PIGO: variants seen among roughly 807,000 people sequenced by gnomAD.
The protein encoded by PIGO is phosphatidylinositol glycan anchor biosynthesis class O.
A neutral mutation model predicts 86.9 loss-of-function variants in PIGO; 66 were observed. The ratio of observed to expected loss-of-function variants is 0.76; its 90% CI spans 0.62 to 0.93. The LOEUF (loss-of-function observed/expected upper bound fraction) is 0.93, where lower values mean the gene tolerates loss of function less well. Ranked by LOEUF, PIGO falls within the 40% of genes least tolerant of loss-of-function variation. PIGO has a pLI of 0.00. For missense variants in PIGO, 1,202 were observed against 1,359.1 expected, an observed-to-expected ratio of 0.88 and a Z score of 1.82; for synonymous variants, 570 against 556.4, an observed-to-expected ratio of 1.02 and a Z score of -0.34.
intron 1 of PIGO, 139 bp from the exon 2 acceptor site, chr9:35,095,705 C>G (rs1312900211): frequency 4.6e-6 from 5 of 1,094,172 alleles, no homozygotes; most frequent in Non-Finnish European, 6.3e-6. Flanking sequence ...GCCAACCCCT[C>G]GCAATATTAC....
At position 35,091,751 on chromosome 9, in the gene PIGO, T is replaced by C; in HGVS notation, c.2136A>G (p.Ala712=). The change falls in exon 7 of 11, where the codon GCA becomes GCG. Residue 712 remains alanine, a synonymous_variant. Coordinates refer to ENST00000378617, the MANE Select transcript of PIGO (RefSeq NM_032634.4). ...LFVRWGLPLM[A]LGTAAYWALA... ...ATGCCCAGTAGGCAGCAGTACCCAA[T>C]GCCATTAGGGGCAGTCCCCAGCGCA... 6.2e-7 allele frequency: 1 copy of C among 1,611,954 alleles called. No homozygotes were observed. The highest frequency in any genetic ancestry group is 8.5e-7 in the Non-Finnish European group (1 of 1,180,014).
chr9:35,093,525 C>T lies in PIGO; in HGVS notation c.835G>A (p.Gly279Arg), dbSNP rs1829532392. Residue 279 changes from glycine (G) to arginine (R), a missense_variant, in exon 5 of 11, where the codon GGG becomes AGG. Transcript: ENST00000378617. ...DTLLVVAGDHGMTTNGDHGGD... is the reference protein window; with the variant it reads ...DTLLVVAGDHRMTTNGDHGGD... ...CCATGGTCTCCATTTGTGGTCATCC[C>T]ATGGTCCCCAGCCACTACCAGCAGT... 8 of 1,614,050 alleles carry T rather than the reference C, an allele frequency of 5.0e-6. No individual in the cohort carries two copies. Among genetic ancestry groups the T allele is most frequent in the Non-Finnish European group, 6.8e-6 (8 of 1,179,986 alleles).
chr9:35,090,236 G>A lies in PIGO; in HGVS notation c.2899C>T (p.Gln967Ter), dbSNP rs1829353287. 1 of 1,614,168 alleles carries A rather than the reference G, an allele frequency of 6.2e-7. No individual in the cohort carries two copies. Among genetic ancestry groups the A allele is most frequent in the South Asian group, 1.1e-5 (1 of 91,074 alleles). Reference sequence around the variant, plus strand: ...GGCTGCTGTCTCTTCCGCAGCCCTTGACTCTCACACAGGAAAGGCCAGAGC... The same window carrying A: ...GGCTGCTGTCTCTTCCGCAGCCCTTAACTCTCACACAGGAAAGGCCAGAGC... ...LLLWPFLCES[Q>*]GLRKRQQPPG... Residue 967 changes from glutamine (Q) to a stop codon, truncating the protein, a stop_gained, in exon 9 of 11, where the codon CAA becomes TAA. Transcript: ENST00000378617. LOFTEE classifies it high-confidence loss of function.
In PIGO at chr9:35,089,109, G is replaced by A; in HGVS notation, c.3253C>T (p.Leu1085=). ...AVSSWFRQLF[L]AQQR ...AGACTAGGCTACCTCTGCTGGGCCA[G>A]AAATAGCTGCCTGAACCAGGAGCTC... Residue 1085 remains leucine, a synonymous_variant, in exon 11 of 11, where the codon CTG becomes TTG. Transcript: ENST00000378617. 6.2e-7 allele frequency: 1 copy of A among 1,614,160 alleles called. No individual in the cohort carries two copies. The highest frequency in any genetic ancestry group is 8.5e-7 in the Non-Finnish European group (1 of 1,180,030).
In PIGO at chr9:35,092,621, C is replaced by T. The variant is rs758742085; in HGVS notation, c.1266G>A (p.Pro422=). ...ACTGCTGCAGCTCAGCAATCACAGTCGGCAGTGTCGCCTCAGCCCCCTTGG... is the reference window on the plus strand; with the variant it reads ...ACTGCTGCAGCTCAGCAATCACAGTTGGCAGTGTCGCCTCAGCCCCCTTGG... The part of the protein sequence containing the change: ...QSPKGAEATL[P]TVIAELQQFL... The change falls in exon 7 of 11, where the codon CCG becomes CCA. Residue 422 remains proline (P), a synonymous_variant. Transcript: ENST00000378617. 5.6e-6 allele frequency: 9 copies of T among 1,614,122 alleles called. No individual in the cohort carries two copies. The highest frequency in any genetic ancestry group is 2.7e-5 in the African/African-American group (2 of 74,946).
Position 35,091,545 on chromosome 9 carries a change from G to C in PIGO, c.2342C>G (p.Thr781Ser). The change falls in exon 7 of 11, where the codon ACT becomes AGT. Residue 781 changes from threonine to serine, a missense_variant. Physicochemically the swap from Thr to Ser is moderately conservative, Grantham distance 58. Coordinates refer to ENST00000378617, the MANE Select transcript of PIGO (RefSeq NM_032634.4). ...AGAPRTRTVL[T>S]PFSGPPTSQA... ...AGAAGTGGGGGGGCCTGAGAAGGGA[G>C]TGAGGACAGTCCTGGTCCTTGGAGC... The C allele has an allele frequency of 6.2e-7, 1 of 1,614,148 alleles. No homozygotes were observed. The highest frequency in any genetic ancestry group is 8.5e-7 in the Non-Finnish European group (1 of 1,180,034).
rs1829625557 is a variant in PIGO at position 35,095,398 on chromosome 9, C to A, written c.168G>T (p.Gly56=). 1.2e-6 allele frequency: 2 copies of A among 1,614,158 alleles called. No individual in the cohort carries two copies. Among genetic ancestry groups the A allele is most frequent in the Non-Finnish European group, 1.7e-6 (2 of 1,180,024 alleles). ...GPGSLPWGSQ[G]KPGACWMASR... ...AAGCCATCCAGCAGGCCCCAGGTTTCCCTTGGCTCCCCCATGGCAGGGACC... is the reference window on the plus strand; with the variant it reads ...AAGCCATCCAGCAGGCCCCAGGTTTACCTTGGCTCCCCCATGGCAGGGACC... Residue 56 remains glycine (G), a synonymous_variant, in exon 2 of 11, where the codon GGG becomes GGT. Coordinates refer to ENST00000378617, the MANE Select transcript of PIGO (RefSeq NM_032634.4).
At position 35,088,964 on chromosome 9, in the gene PIGO, G is replaced by A. The variant is rs957499876; in HGVS notation, c.*128C>T. 1.0e-5 allele frequency: 13 copies of A among 1,282,602 alleles called. No homozygotes were observed. Among genetic ancestry groups the A allele is most frequent in the Admixed American group, 6.5e-5 (3 of 45,868 alleles). 79.5% of individuals were successfully genotyped at this position (1,282,602 alleles called of 1,614,324 possible). A position where few individuals can be genotyped will look rare whatever the true frequency, so the allele number is the denominator to read the frequency against. ...GAATAATGAAGTCCTAGATGTCAGCGGCCCCTGGCTGCATGATAGTAAGAG... is the reference window on the plus strand; with the variant it reads ...GAATAATGAAGTCCTAGATGTCAGCAGCCCCTGGCTGCATGATAGTAAGAG... On this transcript the variant is annotated 3_prime_UTR_variant, in exon 11 of 11. Transcript: ENST00000378617.
chr9:35,089,345 C>T (rs1425129077), intron 10 of PIGO, 35 bp downstream of exon 10: 3 of 1,614,150 alleles, frequency 1.9e-6, no homozygotes, highest in Middle Eastern at 1.6e-4. Context: ...TTTCTCCCTC[C>T]CCACCACCTC....
In PIGO at chr9:35,092,391, C is replaced by A. The variant is rs749718234; in HGVS notation, c.1496G>T (p.Gly499Val). The A allele has an allele frequency of 1.9e-6, 3 of 1,614,238 alleles. No homozygotes were observed. Among genetic ancestry groups the A allele is most frequent in the Non-Finnish European group, 2.5e-6 (3 of 1,180,038 alleles). The change falls in exon 7 of 11, where the codon GGA (glycine) becomes GTA (valine). Residue 499 changes from glycine to valine, a missense_variant. By Grantham distance (109) the Gly-to-Val change is moderately radical. Coordinates refer to ENST00000378617, the MANE Select transcript of PIGO (RefSeq NM_032634.4). ...WGLVGAIAYA[G>V]LLGTIELKLD... ...CTTCAGCTCAATAGTTCCCAGGAGT[C>A]CAGCATACGCTATGGCCCCAACCAG...
At position 35,091,854 on chromosome 9, in the gene PIGO, A is replaced by G. The variant is rs372212830; in HGVS notation, c.2033T>C (p.Val678Ala). 6.2e-7 allele frequency: 1 copy of G among 1,614,132 alleles called. No individual in the cohort carries two copies. The change falls in exon 7 of 11, where the codon GTG becomes GCG. Residue 678 changes from valine (V) to alanine (A), a missense_variant. Val to Ala is a moderately conservative substitution (Grantham distance 64). Coordinates refer to ENST00000378617, the MANE Select transcript of PIGO (RefSeq NM_032634.4). ...CAAGCGCACGGCAGCTAACAGGGCC[A>G]CCAGCGCCGCCACACAAGCTCCATA... The part of the protein sequence containing the change: ...LWYGACVAAL[V>A]ALLAAVRLWL...
rs749806240 is a variant in PIGO at position 35,093,540 on chromosome 9, C to G, written c.820G>C (p.Val274Leu). The G allele has an allele frequency of 6.2e-7, 1 of 1,613,908 alleles. No individual in the cohort carries two copies. Among genetic ancestry groups the G allele is most frequent in the Non-Finnish European group, 8.5e-7 (1 of 1,179,988 alleles). ...ERLENDTLLV[V>L]AGDHGMTTNG... ...GTGGTCATCCCATGGTCCCCAGCCA[C>G]TACCAGCAGTGTGTCATTCTCCAGA... The change falls in exon 5 of 11, where the codon GTG (valine) becomes CTG (leucine). Residue 274 changes from valine (V) to leucine (L), a missense_variant. By Grantham distance (32) the Val-to-Leu change is conservative (BLOSUM62 1). Transcript: ENST00000378617.
intron 6 of PIGO, 122 bp downstream of exon 6, chr9:35,092,908 C>A: frequency 1.4e-6 from 2 of 1,384,320 alleles, no homozygotes; most frequent in Non-Finnish European, 1.9e-6. Flanking sequence ...GGAGGGATAA[C>A]GGAAGAGGGA....
Position 35,092,908 on chromosome 9 carries a change from C to T in PIGO, c.1119+122G>A, listed in dbSNP as rs76032450. ...CCAGAATCGGGGAAGGGAGGGATAACGGAAGAGGGATAGGTATGGAAGGTG... is the reference window on the plus strand; with the variant it reads ...CCAGAATCGGGGAAGGGAGGGATAATGGAAGAGGGATAGGTATGGAAGGTG... On this transcript the variant is annotated intron_variant, in intron 6 of 10. Transcript: ENST00000378617. The T allele has an allele frequency of 6.0e-3, 8,292 of 1,384,288 alleles. 449 individuals carry two copies. The African/African-American group carries it at 0.11, about 18-fold the overall frequency. 85.8% of individuals were successfully genotyped at this position (1,384,288 alleles called of 1,614,324 possible).
At chr9:35,091,143 A>C (rs1829396768) in intron 7 of PIGO, 97 bp downstream of exon 7, 1 of 1,366,292 alleles carries the variant, frequency 7.3e-7, no homozygotes, top group Admixed American at 2.3e-5. Context: ...ACCCTCTGTC[A>C]AGCTCAGGAA....
chr9:35,094,016 C>A lies in PIGO; in HGVS notation c.664G>T (p.Gly222Cys), dbSNP rs1384574105. 2 of 1,613,816 alleles carry A rather than the reference C, an allele frequency of 1.2e-6. No homozygotes were observed. The highest frequency in any genetic ancestry group is 3.3e-5 in the Admixed American group (2 of 59,964). ...TGAGCAATCAGCACGTCCCATTCAC[C>A]ACTGTCCACTGTGAAGGGGAGAACA... ...LEHLYPTMDSGEWDVLIAHFL... is the reference protein window; with the variant it reads ...LEHLYPTMDSCEWDVLIAHFL... Residue 222 changes from glycine to cysteine, a missense_variant, in exon 4 of 11, where the codon GGT (glycine) becomes TGT (cysteine). Coordinates refer to ENST00000378617, the MANE Select transcript of PIGO (RefSeq NM_032634.4).
In PIGO at chr9:35,095,112, T is replaced by A. The variant is rs1269165353; in HGVS notation, c.454A>T (p.Asn152Tyr). The A allele has an allele frequency of 6.2e-7, 1 of 1,613,770 alleles. No individual in the cohort carries two copies. The highest frequency in any genetic ancestry group is 8.5e-7 in the Non-Finnish European group (1 of 1,179,796). Residue 152 changes from asparagine to tyrosine, a missense_variant, in exon 2 of 11, where the codon AAC (asparagine) becomes TAC (tyrosine). Asn to Tyr is a moderately radical substitution (Grantham distance 143). Transcript: ENST00000378617. Reference protein sequence around the residue: ...SLPTFIDAGSNFASHAIVEDN... With the variant: ...SLPTFIDAGSYFASHAIVEDN... ...TCCACTATGGCGTGGCTGGCGAAGT[T>A]ACTACCAGCATCAATAAAGGTAGGC... is the stretch of plus-strand genomic sequence containing the variant.
At position 35,090,248 on chromosome 9, in the gene PIGO, G is replaced by C. The variant is rs1252253964; in HGVS notation, c.2887C>G (p.Leu963Val). 6.2e-7 allele frequency: 1 copy of C among 1,614,154 alleles called. No homozygotes were observed. The highest frequency in any genetic ancestry group is 8.5e-7 in the Non-Finnish European group (1 of 1,180,044). Residue 963 changes from leucine (L) to valine (V), a missense_variant, in exon 9 of 11, where the codon CTG (leucine) becomes GTG (valine). By Grantham distance (32) the Leu-to-Val change is conservative (BLOSUM62 1). Coordinates refer to ENST00000378617, the MANE Select transcript of PIGO (RefSeq NM_032634.4). Reference sequence around the variant, plus strand: ...TTCCGCAGCCCTTGACTCTCACACAGGAAAGGCCAGAGCAGGAGCAGTGGG... The same window carrying C: ...TTCCGCAGCCCTTGACTCTCACACACGAAAGGCCAGAGCAGGAGCAGTGGG... Reference protein sequence around the residue: ...GCPLLLLWPFLCESQGLRKRQ... With the variant: ...GCPLLLLWPFVCESQGLRKRQ...
rs1278167055 is a variant in PIGO, at chr9:35,092,030, T to C, written c.1857A>G (p.Ala619=). Residue 619 remains alanine (A), a synonymous_variant, in exon 7 of 11, where the codon GCA becomes GCG. Coordinates refer to ENST00000378617, the MANE Select transcript of PIGO (RefSeq NM_032634.4). Reference sequence around the variant, plus strand: ...ACCCAATTCCAAGCCTCAGGGCATATGCACCATTGTGCCGTGGGGGGTTTG... The same window carrying C: ...ACCCAATTCCAAGCCTCAGGGCATACGCACCATTGTGCCGTGGGGGGTTTG... The part of the protein sequence containing the change: ...ATTNPPRHNG[A]YALRLGIGLL... The C allele has an allele frequency of 6.2e-7, 1 of 1,614,214 alleles. No individual in the cohort carries two copies. The highest frequency in any genetic ancestry group is 8.5e-7 in the Non-Finnish European group (1 of 1,180,038).
Sources: gnomAD v4.1 joint callset for allele counts on GRCh38, gnomAD v4.1.1 for gene constraint, MANE v1.5 for transcripts, NCBI Gene and HGNC (gene_info 2026-07-23, HGNC 2026-07-21) for gene names.